Variants in CTIF observed in about 807,000 individuals in gnomAD.
The protein encoded by CTIF is cap binding complex dependent translation initiation factor.
Under a neutral mutation model 66.0 loss-of-function variants are expected in CTIF, and 21 were observed. That is an observed-to-expected ratio of 0.32 (90% CI 0.23 to 0.46). The LOEUF (loss-of-function observed/expected upper bound fraction) is 0.46, where lower values mean the gene tolerates loss of function less well. Among genes scored for constraint, CTIF ranks in the 20% least tolerant of loss-of-function variants. The pLI, the probability that CTIF is intolerant of heterozygous loss-of-function variation, is 1.00. For missense variants in CTIF, 739 were observed against 812.7 expected (o/e 0.91, Z 1.10); for synonymous variants, 345 against 326.4 (o/e 1.06, Z -0.62).
At chr18:48,787,507 C>T (rs1261754717) in intron 9 of CTIF, among the ~76,000 whole-genome samples, 1 of 152,198 alleles carries the variant, frequency 6.6e-6, no homozygotes, top group African/African-American at 2.4e-5. Flanking sequence ...CAGCCCAACT[C>T]TAGGCCTCAG....
chr18:48,692,846 A>G (rs7343010), intron 6 of CTIF, among the ~76,000 whole-genome samples: 22,355 of 152,230 alleles, frequency 0.15, 2,443 homozygotes, highest in African/African-American at 0.3. Flanking sequence ...TGACCCAGGC[A>G]TTGGGATTTT....
At chr18:48,645,278 C>A (rs867391561) in intron 3 of CTIF, among the ~76,000 whole-genome samples, 495 of 69,146 alleles carry the variant, frequency 7.2e-3, no homozygotes, top group African/African-American at 7.7e-3. Context: ...TGGACACAGG[C>A]AAAAAAAAAA....
At chr18:48,781,559 G>A (rs541737658) in intron 9 of CTIF, among the ~76,000 whole-genome samples, 16 of 152,304 alleles carry the variant, frequency 1.1e-4, no homozygotes, top group South Asian at 4.1e-4. Context: ...GGAGCCGGGC[G>A]GTCTGAGGCC....
At chr18:48,746,092 G>A (rs1049072585) in intron 7 of CTIF, among the ~76,000 whole-genome samples, 5 of 152,226 alleles carry the variant, frequency 3.3e-5, no homozygotes, top group African/African-American at 1.2e-4. Flanking sequence ...GGCGTTCTCC[G>A]CCAAGAGCCT....
chr18:48,694,676 A>G (rs1308874346), intron 6 of CTIF, among the ~76,000 whole-genome samples: 1 of 152,224 alleles, frequency 6.6e-6, no homozygotes, highest in Non-Finnish European at 1.5e-5. Flanking sequence ...CATCCACACA[A>G]CAAAAGCTTA....
chr18:48,670,484 G>T (rs2091511285), intron 5 of CTIF, 185 bp from the exon 6 acceptor site: 4 of 450,266 alleles, frequency 8.9e-6, no homozygotes, highest in South Asian at 8.7e-5. Flanking sequence ...ATTACGGGAG[G>T]ACCCCCCCCC....
chr18:48,635,386 C>T (rs371380932), intron 2 of CTIF, among the ~76,000 whole-genome samples: 38 of 147,046 alleles, frequency 2.6e-4, no homozygotes, highest in African/African-American at 8.6e-4. Flanking sequence ...TGCATTGGCA[C>T]GACCACAGCT....
chr18:48,750,338 G>A (rs1343538284), intron 7 of CTIF, among the ~76,000 whole-genome samples: 2 of 152,244 alleles, frequency 1.3e-5, no homozygotes, highest in Non-Finnish European at 2.9e-5. Context: ...GGGGTTGAGG[G>A]GAGGCCTCAG....
chr18:48,718,367 G>A (rs557898475), intron 7 of CTIF, among the ~76,000 whole-genome samples: 1 of 152,170 alleles, frequency 6.6e-6, no homozygotes, highest in Admixed American at 6.5e-5. Flanking sequence ...CATGGGAATT[G>A]GCTCATGAGA....
At chr18:48,820,874 G>A (rs535846713) in intron 10 of CTIF, among the ~76,000 whole-genome samples, 93 of 152,324 alleles carry the variant, frequency 6.1e-4, no homozygotes, top group African/African-American at 1.8e-3. Context: ...AGCCCGTCTG[G>A]GGGTCCTTGT....
chr18:48,546,718 C>A (rs1211371945), intron 1 of CTIF, among the ~76,000 whole-genome samples: 1 of 151,954 alleles, frequency 6.6e-6, no homozygotes, highest in East Asian at 1.9e-4. Flanking sequence ...GAGATGATAC[C>A]AGGAATCAAG....
intron 1 of CTIF, among the ~76,000 whole-genome samples, chr18:48,599,023 T>C (rs1464470379): frequency 3.3e-5 from 5 of 152,162 alleles, no homozygotes; most frequent in Non-Finnish European, 7.3e-5. Flanking sequence ...CTGAAGACTT[T>C]AGACCTCTCT....
At chr18:48,705,379 T>C (rs1377135040) in intron 6 of CTIF, among the ~76,000 whole-genome samples, 1 of 152,244 alleles carries the variant, frequency 6.6e-6, no homozygotes, top group Non-Finnish European at 1.5e-5. Context: ...TCCATCTTTC[T>C]GTGTTCAAGT....
intron 3 of CTIF, among the ~76,000 whole-genome samples, chr18:48,638,174 T>G (rs2090858486): frequency 6.6e-6 from 1 of 152,168 alleles, no homozygotes; most frequent in Non-Finnish European, 1.5e-5. Context: ...TGCCAGTTAT[T>G]CTGGGGTCTC....
At chr18:48,659,296 C>G (rs964676738) in intron 3 of CTIF, among the ~76,000 whole-genome samples, 8 of 152,122 alleles carry the variant, frequency 5.3e-5, no homozygotes, top group Non-Finnish European at 1.2e-4. Context: ...CTGCCAGGCC[C>G]CGAGTCTTCA....
rs972308259 is a variant in CTIF, at chr18:48,632,055, G to C, written c.181-4559G>C. 2.6e-5 allele frequency among the ~76,000 whole-genome samples: 4 copies of C among 152,204 alleles called. 1 individual carries two copies. In the South Asian group the frequency reaches 8.3e-4, roughly 32 times the overall value. On this transcript the variant is annotated intron_variant, in intron 2 of 11. Coordinates refer to ENST00000256413, the MANE Select transcript of CTIF (RefSeq NM_014772.3). ...CAAACGGGAGGCAGGAGGTGGTGGT[G>C]CCTGTGCCACAAGAAGCTGGTGTTG...
intron 3 of CTIF, among the ~76,000 whole-genome samples, chr18:48,645,573 C>T (rs1157196292): frequency 2.0e-5 from 3 of 152,174 alleles, no homozygotes; most frequent in African/African-American, 4.8e-5. Flanking sequence ...CTGTGACTTT[C>T]GTCCCCGCCA....
intron 11 of CTIF, among the ~76,000 whole-genome samples, chr18:48,858,612 C>T (rs11876270): frequency 2.0e-5 from 3 of 151,994 alleles, no homozygotes; most frequent in East Asian, 3.9e-4. Context: ...GGCTGGGGAC[C>T]GAGACGGGGA....
intron 6 of CTIF, among the ~76,000 whole-genome samples, chr18:48,673,103 G>T (rs1420002134): frequency 6.6e-6 from 1 of 151,964 alleles, no homozygotes; most frequent in African/African-American, 2.4e-5. Context: ...CAGAGCCCCT[G>T]CCCCCATCTC....
Sources: allele counts gnomAD v4.1 joint callset (sites outside exome capture counted in the v4.1 genomes callset), GRCh38; gene constraint gnomAD v4.1.1; transcripts MANE v1.5; gene names NCBI Gene and HGNC (gene_info 2026-07-23, HGNC 2026-07-21).